Variants in CTNNA3 observed in about 807,000 individuals in gnomAD.
CTNNA3 encodes catenin alpha 3.
Under a neutral mutation model 95.7 loss-of-function variants are expected in CTNNA3, and 76 were observed. That is an observed-to-expected ratio of 0.79 (90% CI 0.66 to 0.96). The LOEUF (loss-of-function observed/expected upper bound fraction) is 0.96, where lower values mean the gene tolerates loss of function less well. CTNNA3 is among the 40% of genes least tolerant of loss of function. The probability of loss-of-function intolerance (pLI) is 0.00; values close to 1 mark genes in which losing one functional copy is unlikely to be tolerated. For missense variants in CTNNA3, 1,191 were observed against 1,089.8 expected, an observed-to-expected ratio of 1.09 and a Z score of -1.31; for synonymous variants, 431 against 374.4, an observed-to-expected ratio of 1.15 and a Z score of -1.74.
intron 7 of CTNNA3, among the ~76,000 whole-genome samples, chr10:66,986,259 A>G (rs934698104): frequency 5.9e-5 from 9 of 152,086 alleles, no homozygotes; most frequent in Non-Finnish European, 8.8e-5. Context: ...AGGCTTTGAG[A>G]GGCCGAGGCA....
chr10:66,869,880 A>G (rs993275296), intron 7 of CTNNA3, among the ~76,000 whole-genome samples: 12 of 152,304 alleles, frequency 7.9e-5, no homozygotes, highest in African/African-American at 2.9e-4. Context: ...ACCATGTACC[A>G]CACATAGACC....
At chr10:67,074,606 T>C (rs1013238411) in intron 7 of CTNNA3, among the ~76,000 whole-genome samples, 79 of 150,266 alleles carry the variant, frequency 5.3e-4, no homozygotes, top group African/African-American at 1.9e-3. Flanking sequence ...CACCTCGGGT[T>C]CCCAAAGTGC....
chr10:66,655,854 C>T (rs1357772291), intron 9 of CTNNA3, among the ~76,000 whole-genome samples: 1 of 151,978 alleles, frequency 6.6e-6, no homozygotes, highest in East Asian at 1.9e-4. Context: ...AGGTAAATGG[C>T]AGAAAGTATA....
chr10:66,237,040 G>A (rs1039657820), intron 13 of CTNNA3, among the ~76,000 whole-genome samples: 4 of 152,054 alleles, frequency 2.6e-5, no homozygotes, highest in African/African-American at 9.7e-5. Context: ...AAGGCAAGAG[G>A]ATCACTTCAG....
At chr10:66,955,845 GC>G (rs1330183203) in intron 7 of CTNNA3, among the ~76,000 whole-genome samples, 1 of 152,056 alleles carries the variant, frequency 6.6e-6, no homozygotes, top group East Asian at 1.9e-4. Context: ...AATTCTTGGA[GC>G]CCATTGTGTC....
chr10:66,967,021 T>A (rs1182360483), intron 7 of CTNNA3, among the ~76,000 whole-genome samples: 2 of 152,004 alleles, frequency 1.3e-5, no homozygotes, highest in Non-Finnish European at 2.9e-5. Flanking sequence ...AAATATAAGT[T>A]CATAGCGCAA....
chr10:67,240,848 A>ATG (rs376819501), intron 5 of CTNNA3, among the ~76,000 whole-genome samples: 2 of 151,848 alleles, frequency 1.3e-5, no homozygotes, highest in Non-Finnish European at 2.9e-5. Context: ...GTGTGTGCAC[A>ATG]TGTGTGTGTG....
chr10:66,627,403 C>T (rs1844976005), intron 9 of CTNNA3, among the ~76,000 whole-genome samples: 1 of 152,112 alleles, frequency 6.6e-6, no homozygotes, highest in Non-Finnish European at 1.5e-5. Flanking sequence ...CTGAATCACT[C>T]TTTGTTCTGT....
At chr10:66,915,191 C>CGA (rs753208223) in intron 7 of CTNNA3, among the ~76,000 whole-genome samples, 4 of 121,390 alleles carry the variant, frequency 3.3e-5, no homozygotes, top group Middle Eastern at 4.3e-3. Context: ...CAAAAACTAA[C>CGA]GAAAAAAAAA....
upstream of CTNNA3, among the ~76,000 whole-genome samples, chr10:67,698,266 G>C (rs913962812): frequency 6.6e-6 from 1 of 152,142 alleles, no homozygotes; most frequent in East Asian, 1.9e-4. Context: ...AAAAAAGAGA[G>C]AGAATAAATC....
In CTNNA3 at chr10:67,443,230, A is replaced by C. The variant is rs577405206; in HGVS notation, c.579+78612T>G. On this transcript the variant is annotated intron_variant, in intron 5 of 17. Coordinates refer to ENST00000433211, the MANE Select transcript of CTNNA3 (RefSeq NM_013266.4). Reference sequence around the variant, plus strand: ...TTTGGGTTGGTTCCAAGTCTTTGCTATTGTGAAGAGTGCCGCAATAAACAT... The same window carrying C: ...TTTGGGTTGGTTCCAAGTCTTTGCTCTTGTGAAGAGTGCCGCAATAAACAT... 8.7e-4 allele frequency among the ~76,000 whole-genome samples: 131 copies of C among 150,882 alleles called. No individual in the cohort carries two copies. In the Middle Eastern group the frequency reaches 0.017, roughly 20 times the overall value.
intron 14 of CTNNA3, among the ~76,000 whole-genome samples, chr10:66,100,450 G>A (rs1589400137): frequency 6.6e-6 from 1 of 152,306 alleles, no homozygotes; most frequent in East Asian, 1.9e-4. Flanking sequence ...AGAGCAGAGA[G>A]TAGCCAGGTT....
intron 1 of CTNNA3, among the ~76,000 whole-genome samples, chr10:67,679,989 A>C (rs760438796): frequency 1.3e-5 from 2 of 152,254 alleles, no homozygotes; most frequent in Non-Finnish European, 2.9e-5. Context: ...TGGTTAAATA[A>C]ATTGTCATAT....
intron 10 of CTNNA3, among the ~76,000 whole-genome samples, chr10:66,576,312 T>A (rs1157995706): frequency 2.0e-5 from 3 of 152,138 alleles, no homozygotes; most frequent in South Asian, 2.1e-4. Context: ...GCTGGTTTTT[T>A]AATTATTATT....
chr10:66,266,386 G>A (rs1457415293), intron 13 of CTNNA3, among the ~76,000 whole-genome samples: 1 of 151,774 alleles, frequency 6.6e-6, no homozygotes, highest in African/African-American at 2.4e-5. Flanking sequence ...TGATTGATGT[G>A]GTTCTTTTGA....
chr10:67,577,218 G>C (rs1334556777), intron 3 of CTNNA3, among the ~76,000 whole-genome samples: 1 of 151,806 alleles, frequency 6.6e-6, no homozygotes, highest in African/African-American at 2.4e-5. Context: ...AGCACCTGTT[G>C]TTTCCTGACT....
At chr10:67,141,417 C>T (rs151312701) in intron 7 of CTNNA3, among the ~76,000 whole-genome samples, 28 of 152,238 alleles carry the variant, frequency 1.8e-4, no homozygotes, top group African/African-American at 5.8e-4. Context: ...ATAAACCCGA[C>T]GTCATTCTCC....
chr10:65,958,496 G>C (rs1296674914), intron 17 of CTNNA3, among the ~76,000 whole-genome samples: 3 of 152,142 alleles, frequency 2.0e-5, no homozygotes, highest in African/African-American at 7.2e-5. Context: ...CAGCTTTTCT[G>C]CTGTGGTTTC....
rs574887428 is a variant in CTNNA3 at position 66,578,680 on chromosome 10, G to A, written c.1374+43012C>T. Among the ~76,000 whole-genome samples the A allele has an allele frequency of 2.8e-4, 43 of 151,924 alleles. No homozygotes were observed. The South Asian group carries it at 6.8e-3, about 24-fold the overall frequency. On this transcript the variant is annotated intron_variant, in intron 10 of 17. Transcript: ENST00000433211. ...CAGGAATAAACCCTACTTGATCACC[G>A]TAAATTAACTTTTTGATGTGCTGTT... is the stretch of plus-strand genomic sequence containing the variant.
Sources: gnomAD v4.1 joint callset for allele counts (sites outside exome capture counted in the v4.1 genomes callset) on GRCh38, gnomAD v4.1.1 for gene constraint, MANE v1.5 for transcripts, NCBI Gene and HGNC (gene_info 2026-07-23, HGNC 2026-07-21) for gene names.